The following C10orf67 variants were observed in gnomAD, a reference collection of about 807,000 sequenced individuals.
The protein encoded by C10orf67 is uncharacterized protein C10orf67, mitochondrial.
A neutral mutation model predicts 35.6 loss-of-function variants in C10orf67; 60 were observed. The observed-to-expected ratio is 1.68, with a 90% CI of 1.37 to 2.09. C10orf67 has a LOEUF of 2.09. Ranked by LOEUF, C10orf67 falls within the 30% of genes most tolerant of loss-of-function variation. The probability of loss-of-function intolerance (pLI) is 0.00; values close to 1 mark genes in which losing one functional copy is unlikely to be tolerated. For missense variants in C10orf67, 474 were observed against 330.2 expected, an observed-to-expected ratio of 1.44 and a Z score of -3.38; for synonymous variants, 167 against 115.8, an observed-to-expected ratio of 1.44 and a Z score of -2.84.
chr10:23,232,937 A>AACT (rs1410742217), intron 13 of C10orf67, among the ~76,000 whole-genome samples: 4 of 152,144 alleles, frequency 2.6e-5, no homozygotes, highest in African/African-American at 9.7e-5. Context: ...CGGGAGGATC[A>AACT]CTTGAGGCCA....
chr10:23,208,902 A>G (rs1020561871), intron 15 of C10orf67, among the ~76,000 whole-genome samples: 2 of 152,134 alleles, frequency 1.3e-5, no homozygotes, highest in Non-Finnish European at 2.9e-5. Flanking sequence ...AGCTTGGCTT[A>G]GCCTACTTGA....
intron 12 of C10orf67, among the ~76,000 whole-genome samples, chr10:23,244,720 A>G (rs1842272330): frequency 6.6e-6 from 1 of 152,216 alleles, no homozygotes; most frequent in South Asian, 2.1e-4. Context: ...AAATAAAACG[A>G]TATCTTGTAT....
chr10:23,252,812 A>C (rs1362131634), intron 10 of C10orf67, among the ~76,000 whole-genome samples: 1 of 152,184 alleles, frequency 6.6e-6, no homozygotes, highest in African/African-American at 2.4e-5. Context: ...TGGCCTGTTT[A>C]AATGAACACA....
chr10:23,226,440 G>T (rs1381553135), intron 13 of C10orf67, among the ~76,000 whole-genome samples: 1 of 152,114 alleles, frequency 6.6e-6, no homozygotes, highest in Non-Finnish European at 1.5e-5. Context: ...ATTTAAAGCA[G>T]TGTGTAGAGG....
At chr10:23,320,236 G>A (rs1460591112) in intron 4 of C10orf67, among the ~76,000 whole-genome samples, 2 of 152,212 alleles carry the variant, frequency 1.3e-5, no homozygotes, top group East Asian at 1.9e-4. Context: ...ATTGAAATGC[G>A]AAGTGAGAAT....
At chr10:23,331,180 G>A (rs111217682) in intron 2 of C10orf67, among the ~76,000 whole-genome samples, 1 of 23,564 alleles carries the variant, frequency 4.2e-5, no homozygotes, top group Non-Finnish European at 9.5e-5. Context: ...CCGGGACGGG[G>A]AAGGGAAGGG....
chr10:23,278,547 A>C (rs1843263741), intron 8 of C10orf67, among the ~76,000 whole-genome samples: 1 of 152,222 alleles, frequency 6.6e-6, no homozygotes, highest in Non-Finnish European at 1.5e-5. Flanking sequence ...GAATGGAAAC[A>C]GCAGGTAAGA....
At chr10:23,292,139 G>T (rs1057055308) in intron 5 of C10orf67, among the ~76,000 whole-genome samples, 1 of 140,796 alleles carries the variant, frequency 7.1e-6, no homozygotes, top group African/African-American at 2.7e-5. Flanking sequence ...CAATAGACGC[G>T]CTTATTGGGA....
intron 8 of C10orf67, among the ~76,000 whole-genome samples, chr10:23,271,227 C>G (rs1373271970): frequency 6.6e-6 from 1 of 152,204 alleles, no homozygotes; most frequent in Non-Finnish European, 1.5e-5. Context: ...AGCTAACTAT[C>G]CTGAATGTAT....
At chr10:23,220,001 G>A (rs1367861521) in intron 15 of C10orf67, among the ~76,000 whole-genome samples, 2 of 151,962 alleles carry the variant, frequency 1.3e-5, no homozygotes, top group African/African-American at 4.8e-5. Flanking sequence ...GTGAGACCCT[G>A]TCTTTACAAA....
At chr10:23,237,778 T>C (rs1034905004) in intron 13 of C10orf67, among the ~76,000 whole-genome samples, 1 of 152,112 alleles carries the variant, frequency 6.6e-6, no homozygotes, top group African/African-American at 2.4e-5. Flanking sequence ...TTTGGTGTGG[T>C]GATGGGGGCA....
intron 15 of C10orf67, among the ~76,000 whole-genome samples, chr10:23,218,521 T>C (rs956671105): frequency 6.6e-6 from 1 of 152,056 alleles, no homozygotes; most frequent in African/African-American, 2.4e-5. Context: ...TCTAAATAAA[T>C]GTATAAAAAG....
intron 15 of C10orf67, among the ~76,000 whole-genome samples, chr10:23,215,297 CTTT>C (rs1054869688): frequency 2.1e-5 from 3 of 143,658 alleles, no homozygotes; most frequent in African/African-American, 7.6e-5. Flanking sequence ...GAAGAGATAT[CTTT>C]TTTTTTTTTT....
intron 15 of C10orf67, among the ~76,000 whole-genome samples, chr10:23,222,551 C>T (rs1030444843): frequency 1.3e-5 from 2 of 152,044 alleles, no homozygotes; most frequent in Non-Finnish European, 2.9e-5. Context: ...CTATCCCATA[C>T]TACGTTCACT....
At chr10:23,334,559 G>GCC (rs1845602380) in intron 1 of C10orf67, among the ~76,000 whole-genome samples, 1 of 152,220 alleles carries the variant, frequency 6.6e-6, no homozygotes, top group African/African-American at 2.4e-5. Context: ...CCAAACCTCA[G>GCC]ATTTGTCCCC....
rs534285719 is a variant in C10orf67, at chr10:23,203,411, T to C, written c.*762A>G. 1 of 152,344 alleles carries C rather than the reference T, an allele frequency of 6.6e-6. No individual in the cohort carries two copies. The highest frequency in any genetic ancestry group is 2.1e-4 in the South Asian group (1 of 4,828). The allele number at this position is 152,344 out of a possible 1,614,324, so 9.4% of individuals were successfully genotyped here. ...TACCACAAATATATTTCCTGAGACTTAATAAATAACTGTAGAATTCTGTAA... is the reference window on the plus strand; with the variant it reads ...TACCACAAATATATTTCCTGAGACTCAATAAATAACTGTAGAATTCTGTAA... On this transcript the variant is annotated 3_prime_UTR_variant, in exon 16 of 16. Coordinates refer to ENST00000636213, the MANE Select transcript of C10orf67 (RefSeq NM_001371909.1).
rs963261020 is a variant in C10orf67, at chr10:23,241,488, G to T, written c.1347-1672C>A. Reference sequence around the variant, plus strand: ...GCAGGATAGGCATGATTATTTGGGGGCCAGAAGGTTGACTGTAGTAGAGTG... The same window carrying T: ...GCAGGATAGGCATGATTATTTGGGGTCCAGAAGGTTGACTGTAGTAGAGTG... On this transcript the variant is annotated intron_variant, in intron 12 of 15. Coordinates refer to ENST00000636213, the MANE Select transcript of C10orf67 (RefSeq NM_001371909.1). Among the ~76,000 whole-genome samples the T allele has an allele frequency of 1.1e-4, 17 of 152,166 alleles. 1 individual carries two copies. The highest frequency in any genetic ancestry group is 2.9e-4 in the African/African-American group (12 of 41,452).
At chr10:23,246,071 C>A (rs192349425) in intron 12 of C10orf67, among the ~76,000 whole-genome samples, 4 of 152,256 alleles carry the variant, frequency 2.6e-5, no homozygotes, top group East Asian at 1.9e-4. Flanking sequence ...GAGCTGGAAG[C>A]CATTATCGTA....
At chr10:23,211,456 GGTGT>G (rs1554801543) in intron 15 of C10orf67, among the ~76,000 whole-genome samples, 1 of 142,640 alleles carries the variant, frequency 7.0e-6, no homozygotes, top group Admixed American at 7.2e-5. Context: ...TTTGTGAGGC[GGTGT>G]GTGTGTGTGT....
Sources: allele counts gnomAD v4.1 joint callset (sites outside exome capture counted in the v4.1 genomes callset), GRCh38; gene constraint gnomAD v4.1.1; transcripts MANE v1.5; gene names NCBI Gene and HGNC (gene_info 2026-07-23, HGNC 2026-07-21).